Variants in AP2M1 observed in about 807,000 individuals in gnomAD.
AP2M1 encodes adaptor related protein complex 2 subunit mu 1, also known as AP-2 complex subunit mu.
In AP2M1, 5 loss-of-function variants were observed where a neutral mutation model predicts 54.5. The observed-to-expected ratio is 0.09, with a 90% CI of 0.05 to 0.19. The LOEUF (loss-of-function observed/expected upper bound fraction) is 0.19, where lower values mean the gene tolerates loss of function less well. Among genes scored for constraint, AP2M1 ranks in the 10% least tolerant of loss-of-function variants. The pLI is 1.00. For missense variants in AP2M1, 178 were observed against 580.2 expected, an observed-to-expected ratio of 0.31 and a Z score of 7.12; for synonymous variants, 186 against 208.2, an observed-to-expected ratio of 0.89 and a Z score of 0.92.
Position 184,182,060 on chromosome 3 carries a change from G to T in AP2M1, c.963+13G>T, listed in dbSNP as rs1019440607. On this transcript the variant is annotated intron_variant, in intron 9 of 11. Transcript: ENST00000292807. The surrounding 1 kb of genome is among the most constrained non-coding windows in gnomAD (Gnocchi z 5.5). The stretch of plus-strand genomic sequence containing the variant: ...TCAGAAGATCGAGGTGAGGACAGGG[G>T]GCTCAAGGAGGAGGAAGAACTTGTC... 1 of 1,612,390 alleles carries T rather than the reference G, an allele frequency of 6.2e-7. No homozygotes were observed. Among genetic ancestry groups the T allele is most frequent in the Non-Finnish European group, 8.5e-7 (1 of 1,178,900 alleles).
chr3:184,175,920 G>T (rs543559292), intron 1 of AP2M1, among the ~76,000 whole-genome samples: 2 of 152,290 alleles, frequency 1.3e-5, no homozygotes, highest in African/African-American at 4.8e-5. Flanking sequence ...ACAGGAAAAG[G>T]CTTTATTTTC....
At position 184,181,985 on chromosome 3, in the gene AP2M1, C is replaced by T; in HGVS notation, c.901C>T (p.Leu301=). The change falls in exon 9 of 12, where the codon CTG becomes TTG. Residue 301 remains leucine, a synonymous_variant. Coordinates refer to ENST00000292807, the MANE Select transcript of AP2M1 (RefSeq NM_004068.4). This position sits in a 1 kb window ranked among gnomAD's most constrained non-coding sequence, Gnocchi z 5.7. ...PLVREVGRTK[L]EVKVVIKSNF... ...AGTGCGAGAAGTGGGACGCACCAAA[C>T]TGGAGGTCAAGGTGGTCATCAAGTC... The T allele has an allele frequency of 6.2e-7, 1 of 1,614,198 alleles. No homozygotes were observed. Among genetic ancestry groups the T allele is most frequent in the Admixed American group, 1.7e-5 (1 of 60,022 alleles).
At chr3:184,179,357 G>A in intron 3 of AP2M1, 1 of 545,534 alleles carries the variant, frequency 1.8e-6, no homozygotes, top group Non-Finnish European at 3.2e-6. Flanking sequence ...CTTCCAAGGG[G>A]CTAGGAACCT....
In AP2M1 at chr3:184,178,357, A is replaced by G. The variant is rs1715156825; in HGVS notation, c.75-500A>G. On this transcript the variant is annotated intron_variant, in intron 2 of 11. Transcript: ENST00000292807. This position sits in a 1 kb window ranked among gnomAD's most constrained non-coding sequence, Gnocchi z 4.9. ...GGGCAAGAATGGGTAGCACAATTCCATGGCCCCTTGGTACTTCTCCCTCCT... is the reference window on the plus strand; with the variant it reads ...GGGCAAGAATGGGTAGCACAATTCCGTGGCCCCTTGGTACTTCTCCCTCCT... 1.7e-6 allele frequency: 2 copies of G among 1,177,562 alleles called. No homozygotes were observed. Among genetic ancestry groups the G allele is most frequent in the African/African-American group, 1.5e-5 (1 of 65,748 alleles). 72.9% of individuals were successfully genotyped at this position (1,177,562 alleles called of 1,614,324 possible).
At position 184,181,582 on chromosome 3, in the gene AP2M1, T is replaced by C. The variant is rs1715274982; in HGVS notation, c.708-114T>C. On this transcript the variant is annotated intron_variant, in intron 7 of 11. Coordinates refer to ENST00000292807, the MANE Select transcript of AP2M1 (RefSeq NM_004068.4). The surrounding 1 kb of genome is among the most constrained non-coding windows in gnomAD (Gnocchi z 5.7). ...GGGGCAGACCTCCGAGTCACAAAGC[T>C]GCATTCTAGCAGCTTTTCATAGTCT... 6 of 1,423,342 alleles carry C rather than the reference T, an allele frequency of 4.2e-6. No homozygotes were observed. In the Admixed American group the frequency reaches 1.1e-4, roughly 25 times the overall value. 88.2% of individuals were successfully genotyped at this position (1,423,342 alleles called of 1,614,324 possible).
At chr3:184,179,987 A>G in intron 3 of AP2M1, 182 bp from the exon 4 acceptor site, 1 of 639,306 alleles carries the variant, frequency 1.6e-6, no homozygotes. Context: ...AAAAAAATCA[A>G]ACATTTGAAT....
chr3:184,178,333 G>A lies in AP2M1; in HGVS notation c.75-524G>A. 1 of 1,334,864 alleles carries A rather than the reference G, an allele frequency of 7.5e-7. No homozygotes were observed. Among genetic ancestry groups the A allele is most frequent in the East Asian group, 2.5e-5 (1 of 40,004 alleles). The allele number at this position is 1,334,864 out of a possible 1,614,324, so 82.7% of individuals were successfully genotyped here. On this transcript the variant is annotated intron_variant, in intron 2 of 11. Transcript: ENST00000292807. The surrounding 1 kb of genome is among the most constrained non-coding windows in gnomAD (Gnocchi z 4.9). ...CAACTTGCTCTGGAGTTGGATCCTG[G>A]GCAAGAATGGGTAGCACAATTCCAT...
Position 184,180,075 on chromosome 3 carries a change from C to A in AP2M1, c.341-94C>A. 8.6e-7 allele frequency: 1 copy of A among 1,167,828 alleles called. No individual in the cohort carries two copies. Among genetic ancestry groups the A allele is most frequent in the Non-Finnish European group, 1.3e-6 (1 of 790,002 alleles). The allele number at this position is 1,167,828 out of a possible 1,614,324, so 72.3% of individuals were successfully genotyped here. ...TTTCTTGCGGATGATCCCACATGGG[C>A]TTTGGGAGCTGTGCCGGTCAGATGT... On this transcript the variant is annotated intron_variant, in intron 3 of 11. Transcript: ENST00000292807. The surrounding 1 kb of genome is among the most constrained non-coding windows in gnomAD (Gnocchi z 4.9).
rs779351528 is a variant in AP2M1, at chr3:184,177,062, C to T, written c.69C>T (p.Asp23=). The T allele has an allele frequency of 3.1e-6, 5 of 1,613,520 alleles. No homozygotes were observed. The highest frequency in any genetic ancestry group is 2.7e-5 in the African/African-American group (2 of 75,046). ...TCATCTCCCGAGTCTACCGAGATGACATCGGGTGAGTCCCCTGGCGGAGCC... is the reference window on the plus strand; with the variant it reads ...TCATCTCCCGAGTCTACCGAGATGATATCGGGTGAGTCCCCTGGCGGAGCC... ...EVLISRVYRD[D]IGRNAVDAFR... is the part of the protein sequence containing the mutation. Residue 23 remains aspartate, a synonymous_variant, in exon 2 of 12, where the codon GAC becomes GAT. Coordinates refer to ENST00000292807, the MANE Select transcript of AP2M1 (RefSeq NM_004068.4).
chr3:184,175,259 G>A, intron 1 of AP2M1: 1 of 353,192 alleles, frequency 2.8e-6, no homozygotes, highest in East Asian at 4.2e-5. Flanking sequence ...CTAGGATCGT[G>A]CCAACCCCCT....
Position 184,183,244 on chromosome 3 carries a change from T to C in AP2M1, c.1174-238T>C. On this transcript the variant is annotated intron_variant, in intron 11 of 11. Coordinates refer to ENST00000292807, the MANE Select transcript of AP2M1 (RefSeq NM_004068.4). This position sits in a 1 kb window ranked among gnomAD's most constrained non-coding sequence, Gnocchi z 5.7. ...AATATTGAGCAGGATAAGTATGTTCTAAAGCAGTTCTTTGGTTGCTGTCTC... is the reference window on the plus strand; with the variant it reads ...AATATTGAGCAGGATAAGTATGTTCCAAAGCAGTTCTTTGGTTGCTGTCTC... The C allele has an allele frequency of 1.7e-6, 1 of 587,670 alleles. No homozygotes were observed. The highest frequency in any genetic ancestry group is 2.9e-5 in the East Asian group (1 of 34,324). 36.4% of individuals were successfully genotyped at this position (587,670 alleles called of 1,614,324 possible). A position where few individuals can be genotyped will look rare whatever the true frequency, so the allele number is the denominator to read the frequency against.
At chr3:184,177,876 A>G in intron 2 of AP2M1, 1 of 595,172 alleles carries the variant, frequency 1.7e-6, no homozygotes, top group South Asian at 2.0e-5. Flanking sequence ...GGCCTGTGGC[A>G]GTGCTCTTCA....
intron 1 of AP2M1, among the ~76,000 whole-genome samples, chr3:184,175,268 CT>C (rs1433434658): frequency 1.9e-4 from 29 of 152,244 alleles, no homozygotes; most frequent in African/African-American, 7.0e-4. Context: ...TGCCAACCCC[CT>C]ACCCCTCCGC....
chr3:184,181,333 ACT>A lies in AP2M1; in HGVS notation c.707+110_707+111del, dbSNP rs775225501. The A allele has an allele frequency of 3.4e-4, 508 of 1,511,632 alleles. No homozygotes were observed. The highest frequency in any genetic ancestry group is 4.2e-4 in the Non-Finnish European group (461 of 1,105,112). 93.6% of individuals were successfully genotyped at this position (1,511,632 alleles called of 1,614,324 possible). A position where few individuals can be genotyped will look rare whatever the true frequency, so the allele number is the denominator to read the frequency against. On this transcript the variant is annotated intron_variant, in intron 7 of 11. Coordinates refer to ENST00000292807, the MANE Select transcript of AP2M1 (RefSeq NM_004068.4). This position sits in a 1 kb window ranked among gnomAD's most constrained non-coding sequence, Gnocchi z 5.7. ...GATTTCATTCCCACTGTAATTGCAA[ACT>A]CTGTTCCTGACGGTAAGCCTGGCTG...
intron 1 of AP2M1, among the ~76,000 whole-genome samples, chr3:184,175,809 C>T (rs1455849285): frequency 6.6e-6 from 1 of 152,142 alleles, no homozygotes; most frequent in Non-Finnish European, 1.5e-5. Flanking sequence ...CAGGCTCTAC[C>T]TCCATTTTGC....
chr3:184,179,232 T>C, intron 3 of AP2M1, 110 bp downstream of exon 3: 1 of 1,375,996 alleles, frequency 7.3e-7, no homozygotes, highest in South Asian at 1.4e-5. Context: ...CTGAACTTTC[T>C]TTCCTGAGTA....
rs779445695 is a variant in AP2M1 at position 184,181,119 on chromosome 3, G to A, written c.600G>A (p.Val200=). ...QVLSAHVSGR[V]VMKSYLSGMP... ...TGAGTGCCCATGTGTCGGGCCGGGT[G>A]GTGATGAAGAGCTACCTGAGTGGCA... is the stretch of plus-strand genomic sequence containing the variant. Residue 200 remains valine, a synonymous_variant, in exon 7 of 12, where the codon GTG becomes GTA. Coordinates refer to ENST00000292807, the MANE Select transcript of AP2M1 (RefSeq NM_004068.4). This position sits in a 1 kb window ranked among gnomAD's most constrained non-coding sequence, Gnocchi z 5.7. The A allele has an allele frequency of 3.1e-6, 5 of 1,614,058 alleles. No homozygotes were observed. In the African/African-American group the frequency reaches 4.0e-5, roughly 13 times the overall value.
rs960715677 is a variant in AP2M1 at position 184,182,698 on chromosome 3, A to C, written c.1062-59A>C. Reference sequence around the variant, plus strand: ...GGCTCTCTCCTTGCTTGAAATGGGCAACTGCCCTTGAAACTCCTCCAAGCC... The same window carrying C: ...GGCTCTCTCCTTGCTTGAAATGGGCCACTGCCCTTGAAACTCCTCCAAGCC... On this transcript the variant is annotated intron_variant, in intron 10 of 11. Transcript: ENST00000292807. This position sits in a 1 kb window ranked among gnomAD's most constrained non-coding sequence, Gnocchi z 5.5. The C allele has an allele frequency of 6.6e-5, 98 of 1,487,312 alleles. 1 individual carries two copies. The Admixed American group carries it at 1.7e-3, about 25-fold the overall frequency. The allele number at this position is 1,487,312 out of a possible 1,614,324, so 92.1% of individuals were successfully genotyped here. A position where few individuals can be genotyped will look rare whatever the true frequency, so the allele number is the denominator to read the frequency against.
At position 184,182,336 on chromosome 3, in the gene AP2M1, C is replaced by A; in HGVS notation, c.1061+88C>A. 7.1e-7 allele frequency: 1 copy of A among 1,405,324 alleles called. No homozygotes were observed. Among genetic ancestry groups the A allele is most frequent in the South Asian group, 1.4e-5 (1 of 73,980 alleles). 87.1% of individuals were successfully genotyped at this position (1,405,324 alleles called of 1,614,324 possible). On this transcript the variant is annotated intron_variant, in intron 10 of 11. Coordinates refer to ENST00000292807, the MANE Select transcript of AP2M1 (RefSeq NM_004068.4). The surrounding 1 kb of genome is among the most constrained non-coding windows in gnomAD (Gnocchi z 5.5). ...AGCTTTGATCCTTCTGAATGAGGGG[C>A]AGGGGAGTGTGCCTGTTTGCTTTTC...
Sources: allele counts gnomAD v4.1 joint callset (sites outside exome capture counted in the v4.1 genomes callset), GRCh38; gene constraint gnomAD v4.1.1; non-coding constraint Gnocchi (gnomAD v3.1); transcripts MANE v1.5; gene names NCBI Gene and HGNC (gene_info 2026-07-23, HGNC 2026-07-21).